NPAS3: variants seen among roughly 807,000 people sequenced by gnomAD.
The protein encoded by NPAS3 is neuronal PAS domain-containing protein 3.
A neutral mutation model predicts 73.1 loss-of-function variants in NPAS3; 14 were observed. The ratio of observed to expected loss-of-function variants is 0.19; its 90% CI spans 0.13 to 0.30. The LOEUF (loss-of-function observed/expected upper bound fraction) is 0.30. Ranked by LOEUF, NPAS3 falls within the 10% of genes least tolerant of loss-of-function variation. NPAS3 has a pLI of 1.00. For synonymous variants in NPAS3, 620 were observed against 541.5 expected (o/e 1.14, Z -2.01); for missense variants, 1,096 against 1,250.0 (o/e 0.88, Z 1.86).
At chr14:33,764,137 G>A (rs963124482) in intron 7 of NPAS3, among the ~76,000 whole-genome samples, 2 of 152,182 alleles carry the variant, frequency 1.3e-5, no homozygotes, top group African/African-American at 4.8e-5. Flanking sequence ...TAGAGCCCTT[G>A]AAGTTAAATG....
intron 3 of NPAS3, among the ~76,000 whole-genome samples, chr14:33,327,938 G>T (rs1343415241): frequency 6.6e-6 from 1 of 151,986 alleles, no homozygotes; most frequent in African/African-American, 2.4e-5. Context: ...CTTTTTTTCT[G>T]CCAGTTGTTT....
At chr14:33,026,586 A>T (rs548659094) in intron 1 of NPAS3, among the ~76,000 whole-genome samples, 4 of 150,254 alleles carry the variant, frequency 2.7e-5, no homozygotes, top group South Asian at 4.2e-4. Context: ...CTGGTTTCTC[A>T]TATTTTATGG....
intron 4 of NPAS3, among the ~76,000 whole-genome samples, chr14:33,433,222 T>A (rs1049697845): frequency 6.6e-6 from 1 of 152,180 alleles, no homozygotes; most frequent in African/African-American, 2.4e-5. Flanking sequence ...TTTTTCTGAG[T>A]AGCTTGTCAG....
chr14:33,139,943 ATTT>A (rs34900907), intron 2 of NPAS3, among the ~76,000 whole-genome samples: 1 of 150,096 alleles, frequency 6.7e-6, no homozygotes, highest in African/African-American at 2.5e-5. Flanking sequence ...TGCCTGCATG[ATTT>A]TTTTTTTCAA....
chr14:33,559,863 A>G (rs2055552722), intron 4 of NPAS3, among the ~76,000 whole-genome samples: 1 of 152,128 alleles, frequency 6.6e-6, no homozygotes, highest in Admixed American at 6.5e-5. Flanking sequence ...TACTAAAAAT[A>G]CAAAAATTAG....
chr14:33,518,324 T>C (rs1281311593), intron 4 of NPAS3, among the ~76,000 whole-genome samples: 2 of 152,050 alleles, frequency 1.3e-5, no homozygotes, highest in East Asian at 1.9e-4. Flanking sequence ...TCAGTTCCTC[T>C]AGTTGGATGG....
chr14:33,205,188 ATATATAGC>A (rs1295157174), intron 2 of NPAS3, among the ~76,000 whole-genome samples: 1 of 152,162 alleles, frequency 6.6e-6, no homozygotes, highest in African/African-American at 2.4e-5. Context: ...ATAGATAAAG[ATATATAGC>A]TATAATTGTA....
chr14:33,548,044 C>T (rs929838912), intron 4 of NPAS3, among the ~76,000 whole-genome samples: 6 of 152,118 alleles, frequency 3.9e-5, no homozygotes, highest in South Asian at 2.1e-4. Context: ...AGAAATCAGG[C>T]GGAGGGCCAA....
In NPAS3 at chr14:33,198,012, G is replaced by C. The variant is rs564684027; in HGVS notation, c.141-17170G>C. On this transcript the variant is annotated intron_variant, in intron 2 of 11. Transcript: ENST00000356141. ...CACTGGCTTCAGGAGTGAAGCTGCA[G>C]ACCTTCACGGTGAGTATTACAGCTC... is the stretch of plus-strand genomic sequence containing the variant. Among the ~76,000 whole-genome samples, 37 of 151,482 alleles carry C rather than the reference G, an allele frequency of 2.4e-4. No individual in the cohort carries two copies. In the Admixed American group the frequency reaches 2.4e-3, roughly 10 times the overall value.
chr14:33,299,600 T>TC lies in NPAS3; in HGVS notation c.386-67586_386-67585insC, dbSNP rs2042445250. On this transcript the variant is annotated intron_variant, in intron 3 of 11. Coordinates refer to ENST00000356141, the Ensembl canonical transcript of NPAS3. Reference sequence around the variant, plus strand: ...TGAAATCCTAGAAGCTAGTTTCTTTTTTTTGTGTGCTTAAGTCTGAGCTCA... The same window carrying TC: ...TGAAATCCTAGAAGCTAGTTTCTTTTCTTTTGTGTGCTTAAGTCTGAGCTCA... Among the ~76,000 whole-genome samples, 6 of 149,082 alleles carry TC rather than the reference T, an allele frequency of 4.0e-5. No individual in the cohort carries two copies. In the Admixed American group the frequency reaches 4.0e-4, roughly 10 times the overall value.
At chr14:33,577,916 T>TCCC (rs34671549) in intron 5 of NPAS3, among the ~76,000 whole-genome samples, 2 of 152,078 alleles carry the variant, frequency 1.3e-5, no homozygotes, top group East Asian at 3.9e-4. Flanking sequence ...TAACGAATCC[T>TCCC]CCCCCCAATT....
At chr14:33,204,007 G>A (rs373408008) in intron 2 of NPAS3, among the ~76,000 whole-genome samples, 48,266 of 151,676 alleles carry the variant, frequency 0.32, 7,872 homozygotes, top group East Asian at 0.55. Context: ...TTTAATGACT[G>A]CCATTCTAAC....
chr14:33,256,799 T>C (rs1206502890), intron 3 of NPAS3, among the ~76,000 whole-genome samples: 5 of 152,218 alleles, frequency 3.3e-5, no homozygotes, highest in South Asian at 2.1e-4. Context: ...AATGTCAATA[T>C]TGTTGACACA....
intron 2 of NPAS3, among the ~76,000 whole-genome samples, chr14:33,112,222 C>A (rs958578014): frequency 6.6e-6 from 1 of 152,128 alleles, no homozygotes; most frequent in African/African-American, 2.4e-5. Flanking sequence ...ATTTCTAGTT[C>A]TAGATCCTTC....
chr14:33,766,406 T>C (rs1449732631), intron 7 of NPAS3, among the ~76,000 whole-genome samples: 7 of 152,146 alleles, frequency 4.6e-5, no homozygotes, highest in Non-Finnish European at 1.0e-4. Context: ...TTAAAACAAG[T>C]GAAAGATCAT....
Position 33,562,591 on chromosome 14 carries a change from C to T in NPAS3, c.558+2381C>T, listed in dbSNP as rs111912493. ...TTTATGTATTTAAAAGTGATTTTTG[C>T]GTATACCAGTTTATGTATTTAGAGT... On this transcript the variant is annotated intron_variant, in intron 5 of 11. Coordinates refer to ENST00000356141, the Ensembl canonical transcript of NPAS3. Among the ~76,000 whole-genome samples the T allele has an allele frequency of 2.1e-3, 326 of 152,118 alleles. 1 individual carries two copies. Among genetic ancestry groups the T allele is most frequent in the African/African-American group, 7.3e-3 (301 of 41,516 alleles).
rs1411215114 is a variant in NPAS3 at position 33,799,733 on chromosome 14, G to A, written c.1427-1G>A. 1 of 1,559,422 alleles carries A rather than the reference G, an allele frequency of 6.4e-7. No individual in the cohort carries two copies. The highest frequency in any genetic ancestry group is 1.2e-5 in the South Asian group (1 of 85,120). ...CACCGCCGGCCCCCCGCCCCACACA[G>A]AGGACAACGAGAACTCCAAGTCCGA... On this transcript the variant is annotated splice_acceptor_variant, in intron 11 of 11. Coordinates refer to ENST00000356141, the Ensembl canonical transcript of NPAS3. LOFTEE classifies it high-confidence loss of function.
intron 3 of NPAS3, among the ~76,000 whole-genome samples, chr14:33,264,716 A>G (rs969774866): frequency 1.3e-5 from 2 of 152,088 alleles, no homozygotes; most frequent in East Asian, 1.9e-4. Context: ...TTCACACTAT[A>G]AATGTGAATG....
chr14:33,408,118 C>G (rs1382544016), intron 4 of NPAS3, among the ~76,000 whole-genome samples: 1 of 152,110 alleles, frequency 6.6e-6, no homozygotes, highest in African/African-American at 2.4e-5. Flanking sequence ...AATAAAAATG[C>G]TAATCGAGAA....
Sources: gnomAD v4.1 joint callset for allele counts (sites outside exome capture counted in the v4.1 genomes callset) on GRCh38, gnomAD v4.1.1 for gene constraint, MANE v1.5 for transcripts, NCBI Gene and HGNC (gene_info 2026-07-23, HGNC 2026-07-21) for gene names.